Variants in IL1RAPL2 observed in about 807,000 individuals in gnomAD.
IL1RAPL2 encodes the protein X-linked interleukin-1 receptor accessory protein-like 2.
IL1RAPL2 carries 3 observed loss-of-function variants against 44.1 expected under a neutral mutation model. That is an observed-to-expected ratio of 0.07 (90% confidence interval 0.03 to 0.18). The LOEUF is 0.18. Among genes scored for constraint, IL1RAPL2 ranks in the 10% least tolerant of loss-of-function variants. The probability of loss-of-function intolerance (pLI) is 1.00; values close to 1 mark genes in which losing one functional copy is unlikely to be tolerated. For synonymous variants in IL1RAPL2, 181 were observed against 178.8 expected, an observed-to-expected ratio of 1.01 and a Z score of -0.10; for missense variants, 391 against 496.4, an observed-to-expected ratio of 0.79 and a Z score of 2.02.
At chrX:105,690,819 G>A (rs1192956530) in intron 6 of IL1RAPL2, among the ~76,000 whole-genome samples, 1 of 111,462 alleles carries the variant, frequency 9.0e-6, no homozygotes, top group Non-Finnish European at 1.9e-5. Flanking sequence ...ATTATACCCT[G>A]TCTTAGTTTA....
At chrX:104,766,214 C>A (rs2147594445) in intron 2 of IL1RAPL2, among the ~76,000 whole-genome samples, 1 of 112,300 alleles carries the variant, frequency 8.9e-6, no homozygotes, top group African/African-American at 3.2e-5. Context: ...GTTGGGGAAA[C>A]AATTGGCTCA....
At chrX:105,040,684 A>G (rs2031716745) in intron 2 of IL1RAPL2, among the ~76,000 whole-genome samples, 1 of 110,239 alleles carries the variant, frequency 9.1e-6, no homozygotes, top group South Asian at 3.8e-4. Flanking sequence ...TGTTTATAGT[A>G]TTCTCTGATG....
intron 2 of IL1RAPL2, among the ~76,000 whole-genome samples, chrX:104,967,910 A>G (rs2030157863): frequency 9.0e-6 from 1 of 111,204 alleles, no homozygotes; most frequent in Non-Finnish European, 1.9e-5. Flanking sequence ...GCAGGAAAAA[A>G]AAGAACAAAA....
At chrX:104,656,540 CTT>C (rs1271737418) in intron 1 of IL1RAPL2, among the ~76,000 whole-genome samples, 6 of 111,749 alleles carry the variant, frequency 5.4e-5, no homozygotes, top group Non-Finnish European at 1.1e-4. Context: ...GTCTGAGAGA[CTT>C]TTTGTTGTGA....
At position 104,672,103 on chromosome X, in the gene IL1RAPL2, CT is replaced by C. The variant is rs201160425; in HGVS notation, c.82+13118del. Among the ~76,000 whole-genome samples the C allele has an allele frequency of 9.3e-3, 995 of 106,633 alleles. 7 individuals are homozygous for C. Among genetic ancestry groups the C allele is most frequent in the African/African-American group, 0.031 (923 of 29,446 alleles). The allele number at this position is 106,633 out of a possible 115,157, so 92.6% of individuals were successfully genotyped here. ...AAAGGGCAGGCCAATTGCTTTCTTT[CT>C]TTTTTTTTTATACTTTAAGTTTTAG... On this transcript the variant is annotated intron_variant, in intron 2 of 10. Transcript: ENST00000372582.
chrX:104,803,772 A>G (rs1409712437), intron 2 of IL1RAPL2: 1 of 112,480 alleles, frequency 8.9e-6, no homozygotes, highest in African/African-American at 3.2e-5. Context: ...TTGGGGATGC[A>G]GACTGTTTGG....
intron 1 of IL1RAPL2, among the ~76,000 whole-genome samples, chrX:104,612,305 T>C (rs560143096): frequency 1.8e-5 from 2 of 112,177 alleles, no homozygotes; most frequent in South Asian, 7.5e-4. Flanking sequence ...CTTTCAGGAT[T>C]CCTATAATCT....
At chrX:105,138,590 G>A (rs1233197271) in intron 2 of IL1RAPL2, among the ~76,000 whole-genome samples, 1 of 110,795 alleles carries the variant, frequency 9.0e-6, no homozygotes, top group Non-Finnish European at 1.9e-5. Flanking sequence ...AAACTGGAAG[G>A]AGAGCTGCTA....
At chrX:105,683,049 T>G (rs751952226) in intron 6 of IL1RAPL2, among the ~76,000 whole-genome samples, 44 of 112,344 alleles carry the variant, frequency 3.9e-4, no homozygotes, top group Non-Finnish European at 6.4e-4. Flanking sequence ...TGTTTGTTTT[T>G]GTGAGGAAAC....
intron 1 of IL1RAPL2, among the ~76,000 whole-genome samples, chrX:104,590,475 G>A (rs1423223117): frequency 8.9e-6 from 1 of 111,900 alleles, no homozygotes; most frequent in Non-Finnish European, 1.9e-5. Flanking sequence ...TATCTAGATG[G>A]AACATTCTCA....
chrX:105,468,089 T>G (rs1355609980), intron 5 of IL1RAPL2, among the ~76,000 whole-genome samples: 1 of 111,974 alleles, frequency 8.9e-6, no homozygotes, highest in African/African-American at 3.2e-5. Flanking sequence ...AGAAATTTAT[T>G]TTTTCTCATA....
At position 105,755,214 on chromosome X, in the gene IL1RAPL2, A is replaced by C; in HGVS notation, c.1230A>C (p.Lys410Asn). 8.3e-7 allele frequency: 1 copy of C among 1,201,267 alleles called. No homozygotes were observed. The highest frequency in any genetic ancestry group is 1.8e-5 in the South Asian group (1 of 56,005). Reference sequence around the variant, plus strand: ...ATGATGCCTATCTCTCTTACACAAAAGTGGACCAAGATACTTTAGACTGTG... The same window carrying C: ...ATGATGCCTATCTCTCTTACACAAACGTGGACCAAGATACTTTAGACTGTG... Reference protein sequence around the residue: ...KEYDAYLSYTKVDQDTLDCDN... With the variant: ...KEYDAYLSYTNVDQDTLDCDN... The change falls in exon 10 of 11, where the codon AAA becomes AAC. Residue 410 changes from lysine to asparagine, a missense_variant. By Grantham distance (94) the Lys-to-Asn change is moderately conservative. Coordinates refer to ENST00000372582, the MANE Select transcript of IL1RAPL2 (RefSeq NM_017416.2).
intron 2 of IL1RAPL2, among the ~76,000 whole-genome samples, chrX:104,676,316 C>A (rs185175962): frequency 0.053 from 5,885 of 110,744 alleles, 431 homozygotes; most frequent in African/African-American, 0.18. Context: ...ATCTCTCAGC[C>A]TTTGCTTGTC....
chrX:104,674,185 A>G (rs1337847337), intron 2 of IL1RAPL2, among the ~76,000 whole-genome samples: 1 of 112,182 alleles, frequency 8.9e-6, no homozygotes, highest in African/African-American at 3.2e-5. Flanking sequence ...CCAGTTTTCA[A>G]AGGGAATGCT....
chrX:104,783,517 A>G (rs763697093), intron 2 of IL1RAPL2, among the ~76,000 whole-genome samples: 22 of 110,932 alleles, frequency 2.0e-4, no homozygotes, highest in Admixed American at 1.8e-3. Context: ...ATTTATCTCA[A>G]TACAGCTGCC....
intron 6 of IL1RAPL2, among the ~76,000 whole-genome samples, chrX:105,643,478 A>G (rs1248053477): frequency 9.0e-6 from 1 of 111,525 alleles, no homozygotes; most frequent in Non-Finnish European, 1.9e-5. Flanking sequence ...ATCCAGATCC[A>G]TTTAAAGGAC....
intron 6 of IL1RAPL2, among the ~76,000 whole-genome samples, chrX:105,489,189 G>A (rs1414738184): frequency 9.0e-6 from 1 of 111,561 alleles, no homozygotes. Context: ...TGTACAACAC[G>A]TACGTGCAAA....
At chrX:105,686,920 C>G (rs2037983559) in intron 6 of IL1RAPL2, among the ~76,000 whole-genome samples, 1 of 111,894 alleles carries the variant, frequency 8.9e-6, no homozygotes, top group Admixed American at 9.5e-5. Context: ...TTAAGAAACT[C>G]ACTCAAAACC....
chrX:105,759,155 G>C (rs1191387193), intron 10 of IL1RAPL2, among the ~76,000 whole-genome samples: 1 of 112,167 alleles, frequency 8.9e-6, no homozygotes, highest in Admixed American at 9.5e-5. Context: ...AACCAAAAAT[G>C]TAAAAAGTTA....
Sources: allele counts gnomAD v4.1 joint callset (sites outside exome capture counted in the v4.1 genomes callset), GRCh38; gene constraint gnomAD v4.1.1; transcripts MANE v1.5; gene names NCBI Gene and HGNC (gene_info 2026-07-23, HGNC 2026-07-21).